RALGAPA1: variants seen among roughly 807,000 people sequenced by gnomAD.
RALGAPA1 encodes ral GTPase-activating protein subunit alpha-1.
RALGAPA1 carries 52 observed loss-of-function variants against 269.6 expected under a neutral mutation model. The ratio of observed to expected loss-of-function variants is 0.19; its 90% CI spans 0.15 to 0.24. RALGAPA1 has a LOEUF of 0.24. Ranked by LOEUF, RALGAPA1 falls within the 10% of genes least tolerant of loss-of-function variation. RALGAPA1 has a pLI of 1.00. For synonymous variants in RALGAPA1, 817 were observed against 1,008.3 expected (o/e 0.81, Z 3.60); for missense variants, 1,917 against 3,013.9 (o/e 0.64, Z 8.52).
At chr14:35,615,860 G>T (rs2060218331) in intron 35 of RALGAPA1, among the ~76,000 whole-genome samples, 1 of 152,134 alleles carries the variant, frequency 6.6e-6, no homozygotes, top group African/African-American at 2.4e-5. Flanking sequence ...TGAAGAGTCT[G>T]GCCAGGCATT....
chr14:35,620,719 C>A (rs768596035), intron 35 of RALGAPA1, among the ~76,000 whole-genome samples: 5 of 152,080 alleles, frequency 3.3e-5, no homozygotes, highest in Non-Finnish European at 7.4e-5. Flanking sequence ...ACATCATTAA[C>A]AGACAAACAA....
rs544680861 is a variant in RALGAPA1 at position 35,795,688 on chromosome 14, T to C, written c.106+13042A>G. On this transcript the variant is annotated intron_variant, in intron 1 of 41. Coordinates refer to ENST00000680220, the MANE Select transcript of RALGAPA1 (RefSeq NM_001346249.2). ...TCCCGGAAAAAAGCTCAAGAATTTA[T>C]AGGTGGCCACACACGGTGGCTCACA... Among the ~76,000 whole-genome samples, 4 of 152,020 alleles carry C rather than the reference T, an allele frequency of 2.6e-5. No individual in the cohort carries two copies. The East Asian group carries it at 7.7e-4, about 29-fold the overall frequency.
At chr14:35,688,172 A>G (rs1448576075) in intron 18 of RALGAPA1, among the ~76,000 whole-genome samples, 1 of 152,230 alleles carries the variant, frequency 6.6e-6, no homozygotes, top group African/African-American at 2.4e-5. Context: ...TACTTGATTT[A>G]GGTAGTCTTT....
At chr14:35,751,698 C>T (rs1321514504) in intron 8 of RALGAPA1, among the ~76,000 whole-genome samples, 1 of 151,498 alleles carries the variant, frequency 6.6e-6, no homozygotes, top group Non-Finnish European at 1.5e-5. Context: ...GGAGGACTGC[C>T]TGAGCTCAGC....
intron 16 of RALGAPA1, among the ~76,000 whole-genome samples, chr14:35,711,470 C>T (rs1188956592): frequency 6.6e-6 from 1 of 152,174 alleles, no homozygotes. Flanking sequence ...CTTTTTAAGA[C>T]AGGGTCACAT....
chr14:35,745,007 C>A (rs2071916013), intron 10 of RALGAPA1, among the ~76,000 whole-genome samples: 1 of 152,166 alleles, frequency 6.6e-6, no homozygotes, highest in African/African-American at 2.4e-5. Flanking sequence ...AGTTGTCAGA[C>A]TACAACCTAG....
intron 13 of RALGAPA1, among the ~76,000 whole-genome samples, 157 bp from the exon 14 acceptor site, chr14:35,725,310 A>G (rs2069792735): frequency 1.3e-5 from 2 of 152,256 alleles, no homozygotes; most frequent in African/African-American, 4.8e-5. Flanking sequence ...ATTAAAAATT[A>G]AAATTACATT....
intron 39 of RALGAPA1, among the ~76,000 whole-genome samples, chr14:35,567,043 T>A (rs1159801575): frequency 1.3e-5 from 2 of 151,836 alleles, no homozygotes; most frequent in Non-Finnish European, 2.9e-5. Context: ...CTTCCTGTAG[T>A]TTCTAAACTC....
intron 16 of RALGAPA1, among the ~76,000 whole-genome samples, chr14:35,708,804 T>C (rs1196255962): frequency 2.0e-5 from 3 of 152,208 alleles, no homozygotes; most frequent in Non-Finnish European, 4.4e-5. Flanking sequence ...CCCATGTTTA[T>C]TGCCAACACT....
chr14:35,724,550 T>C (rs1014475875), intron 14 of RALGAPA1, among the ~76,000 whole-genome samples: 1 of 152,098 alleles, frequency 6.6e-6, no homozygotes, highest in African/African-American at 2.4e-5. Flanking sequence ...GGGAGGATAA[T>C]AAAGTCTTAT....
chr14:35,737,238 G>T (rs1329923678), intron 12 of RALGAPA1, among the ~76,000 whole-genome samples: 2 of 151,694 alleles, frequency 1.3e-5, no homozygotes, highest in Non-Finnish European at 2.9e-5. Flanking sequence ...CACATATAAA[G>T]GACCAGCAAA....
At chr14:35,719,026 T>C (rs143865747) in intron 16 of RALGAPA1, among the ~76,000 whole-genome samples, 208 of 151,934 alleles carry the variant, frequency 1.4e-3, no homozygotes, top group Middle Eastern at 3.4e-3. Flanking sequence ...ATTTTTTTGG[T>C]AGAGACAGAG....
Position 35,539,458 on chromosome 14 carries a change from T to G in RALGAPA1, c.*256A>C. The G allele has an allele frequency of 3.7e-6, 5 of 1,347,638 alleles. No individual in the cohort carries two copies. The highest frequency in any genetic ancestry group is 1.5e-5 in the African/African-American group (1 of 68,198). The allele number at this position is 1,347,638 out of a possible 1,614,324, so 83.5% of individuals were successfully genotyped here. A position where few individuals can be genotyped will look rare whatever the true frequency, so the allele number is the denominator to read the frequency against. On this transcript the variant is annotated 3_prime_UTR_variant, in exon 42 of 42. Coordinates refer to ENST00000680220, the MANE Select transcript of RALGAPA1 (RefSeq NM_001346249.2). ...TGTACAGGAAGAAACATGCATGTTATGGCAGACATGAAGGCCTGAAAGGGT... is the reference window on the plus strand; with the variant it reads ...TGTACAGGAAGAAACATGCATGTTAGGGCAGACATGAAGGCCTGAAAGGGT...
At chr14:35,748,390 T>A in intron 10 of RALGAPA1, 195 bp downstream of exon 10, 1 of 348,432 alleles carries the variant, frequency 2.9e-6, no homozygotes. Context: ...TTTTTTTTTT[T>A]TTTTTAAGAG....
At chr14:35,773,264 T>C (rs1169121849) in intron 3 of RALGAPA1, among the ~76,000 whole-genome samples, 5 of 152,184 alleles carry the variant, frequency 3.3e-5, no homozygotes, top group Non-Finnish European at 7.4e-5. Flanking sequence ...ATAATGATGC[T>C]TTTTATTCCA....
At chr14:35,572,062 T>C (rs917365494) in intron 38 of RALGAPA1, among the ~76,000 whole-genome samples, 6 of 152,196 alleles carry the variant, frequency 3.9e-5, no homozygotes, top group South Asian at 2.1e-4. Flanking sequence ...TTGAATTCTA[T>C]GGTGTATATA....
At chr14:35,767,414 G>A (rs1460102952) in intron 4 of RALGAPA1, among the ~76,000 whole-genome samples, 6 of 152,112 alleles carry the variant, frequency 3.9e-5, no homozygotes, top group Non-Finnish European at 7.4e-5. Flanking sequence ...AGGGCCAGGC[G>A]CAGTGACTCA....
In RALGAPA1 at chr14:35,657,179, CTTTTTCT is replaced by C. The variant is rs949087066; in HGVS notation, c.5388-1271_5388-1265del. 5.3e-5 allele frequency among the ~76,000 whole-genome samples: 8 copies of C among 151,364 alleles called. 1 individual carries two copies. The South Asian group carries it at 8.4e-4, about 16-fold the overall frequency. ...ACTGGGGGTATTAAGTTTCTTTTTT[CTTTTTCT>C]TTTTTCTTTTTTTTTTTTGAGACAG... On this transcript the variant is annotated intron_variant, in intron 28 of 41. Transcript: ENST00000680220.
At chr14:35,567,038 T>C (rs759076680) in intron 39 of RALGAPA1, among the ~76,000 whole-genome samples, 1 of 151,862 alleles carries the variant, frequency 6.6e-6, no homozygotes, top group Non-Finnish European at 1.5e-5. Context: ...AACAACTTCC[T>C]GTAGTTTCTA....
Sources: allele counts gnomAD v4.1 joint callset (sites outside exome capture counted in the v4.1 genomes callset), GRCh38; gene constraint gnomAD v4.1.1; transcripts MANE v1.5; gene names NCBI Gene and HGNC (gene_info 2026-07-23, HGNC 2026-07-21).